STK3: variants seen among roughly 807,000 people sequenced by gnomAD.
STK3 encodes serine/threonine-protein kinase 3.
Under a neutral mutation model 58.0 loss-of-function variants are expected in STK3, and 41 were observed. That is an observed-to-expected ratio of 0.71 (90% CI 0.55 to 0.92). The LOEUF (loss-of-function observed/expected upper bound fraction) is 0.92. STK3 is among the 40% of genes least tolerant of loss of function. The pLI is 0.00. For missense variants in STK3, 479 were observed against 602.7 expected (o/e 0.79, Z 2.15); for synonymous variants, 170 against 191.0 (o/e 0.89, Z 0.91).
chr8:98,364,314 T>A, the STK3 span, among the ~76,000 whole-genome samples: 2 of 152,212 alleles, frequency 1.3e-5, no homozygotes, highest in Non-Finnish European at 2.9e-5. Context: ...CAGCCGTGGC[T>A]ACCTATGAAT....
At chr8:98,537,383 T>G (rs1809853400) in intron 9 of STK3, among the ~76,000 whole-genome samples, 1 of 152,200 alleles carries the variant, frequency 6.6e-6, no homozygotes, top group South Asian at 2.1e-4. Context: ...TGCCCAGTAA[T>G]GTTTAACTAC....
intron 1 of STK3, among the ~76,000 whole-genome samples, chr8:98,820,287 A>C (rs1587701749): frequency 6.6e-6 from 1 of 152,188 alleles, no homozygotes; most frequent in East Asian, 1.9e-4. Context: ...CTATAGCTTA[A>C]ATTAAAGAAC....
At chr8:98,595,287 G>A (rs1815714452) in intron 7 of STK3, 1 of 149,424 alleles carries the variant, frequency 6.7e-6, no homozygotes, top group Non-Finnish European at 1.5e-5. Flanking sequence ...ACTTTGGAAA[G>A]TTACTTTTTT....
chr8:98,422,721 T>A (rs766684551), intron 3 of STK3, among the ~76,000 whole-genome samples: 39 of 152,098 alleles, frequency 2.6e-4, no homozygotes, highest in Non-Finnish European at 4.3e-4. Context: ...AGTGGGTGGG[T>A]GTCTGCCAAA....
chr8:98,942,123 GCCTGCGC>G (rs1342458551), intron 1 of STK3, among the ~76,000 whole-genome samples: 1 of 152,250 alleles, frequency 6.6e-6, no homozygotes, highest in Non-Finnish European at 1.5e-5. Flanking sequence ...GCCCCGCAAT[GCCTGCGC>G]CCTAGACGCC....
intron 3 of STK3, chr8:98,413,643 C>T (rs1818081062): frequency 2.6e-6 from 2 of 770,692 alleles, no homozygotes; most frequent in Admixed American, 1.8e-5. Context: ...TTTCTCCTCA[C>T]AAACCGTAGA....
At chr8:98,641,968 T>A (rs1820056684) in intron 6 of STK3, among the ~76,000 whole-genome samples, 1 of 152,216 alleles carries the variant, frequency 6.6e-6, no homozygotes, top group African/African-American at 2.4e-5. Flanking sequence ...CCCCTTAGCA[T>A]CTTCAAGAGT....
intron 10 of STK3, among the ~76,000 whole-genome samples, chr8:98,476,898 T>C (rs1821354710): frequency 6.6e-6 from 1 of 152,138 alleles, no homozygotes; most frequent in East Asian, 1.9e-4. Flanking sequence ...CCAAAATACA[T>C]TACTCTGGCA....
intron 10 of STK3, among the ~76,000 whole-genome samples, chr8:98,504,195 G>C (rs1195177539): frequency 6.6e-6 from 1 of 152,102 alleles, no homozygotes; most frequent in African/African-American, 2.4e-5. Flanking sequence ...TGTTTTATCA[G>C]AGACTAGGAT....
chr8:98,934,949 A>G (rs1840141706), intron 1 of STK3, among the ~76,000 whole-genome samples: 1 of 152,206 alleles, frequency 6.6e-6, no homozygotes. Flanking sequence ...AAATAAAATA[A>G]CATGACATAT....
In STK3 at chr8:98,407,467, G is replaced by A. The variant is rs1208636292; in HGVS notation, n.484-5954C>T. Among the ~76,000 whole-genome samples the A allele has an allele frequency of 3.9e-5, 6 of 152,360 alleles. No individual in the cohort carries two copies. In the East Asian group the frequency reaches 1.2e-3, roughly 29 times the overall value. Reference sequence around the variant, plus strand: ...GACTGGAGGAGGCCAAACGCCATGCGTAAGTCAGCAGGCAGGTGTGAGAAC... The same window carrying A: ...GACTGGAGGAGGCCAAACGCCATGCATAAGTCAGCAGGCAGGTGTGAGAAC... On this transcript the variant is annotated intron_variant and non_coding_transcript_variant, in intron 3 of 3. Transcript: ENST00000517832.
At chr8:98,858,761 G>T (rs1301118007) in intron 3 of STK3, among the ~76,000 whole-genome samples, 1 of 151,850 alleles carries the variant, frequency 6.6e-6, no homozygotes, top group Non-Finnish European at 1.5e-5. Context: ...GCGTGGTGGT[G>T]CATGCCTGTA....
chr8:98,722,282 T>C (rs1486362163), intron 4 of STK3, among the ~76,000 whole-genome samples: 1 of 152,336 alleles, frequency 6.6e-6, no homozygotes, highest in East Asian at 1.9e-4. Flanking sequence ...TTCAGCCTTG[T>C]ACCAAAACGG....
intron 6 of STK3, among the ~76,000 whole-genome samples, chr8:98,655,185 C>T (rs1056829071): frequency 3.3e-5 from 5 of 151,744 alleles, no homozygotes; most frequent in Admixed American, 6.6e-5. Context: ...ACGCCGCATA[C>T]CTACAACTAT....
chr8:98,877,787 C>A (rs1837611686), intron 3 of STK3, among the ~76,000 whole-genome samples: 1 of 151,904 alleles, frequency 6.6e-6, no homozygotes, highest in South Asian at 2.1e-4. Context: ...CCAGCCCAGT[C>A]ATTCCATGTT....
chr8:98,905,680 C>A (rs946710321), intron 1 of STK3: 22 of 727,486 alleles, frequency 3.0e-5, no homozygotes, highest in African/African-American at 8.7e-5. Context: ...TCCGGACAAG[C>A]ACCTCTGGGT....
intron 3 of STK3, chr8:98,429,606 G>T (rs941796194): frequency 2.0e-5 from 11 of 553,720 alleles, no homozygotes; most frequent in African/African-American, 1.9e-4. Flanking sequence ...CTGACACCAT[G>T]CCTTTGCACC....
At chr8:98,415,706 C>A (rs1818107516) in intron 3 of STK3, among the ~76,000 whole-genome samples, 1 of 152,226 alleles carries the variant, frequency 6.6e-6, no homozygotes, top group Non-Finnish European at 1.5e-5. Flanking sequence ...ATAGGTTAAA[C>A]ATGTTCTCCA....
chr8:98,478,794 C>T (rs1465732184), intron 10 of STK3, among the ~76,000 whole-genome samples: 5 of 152,116 alleles, frequency 3.3e-5, no homozygotes, highest in South Asian at 2.1e-4. Flanking sequence ...GCTCCCTACC[C>T]TCTGTCTCTC....
Sources: gnomAD v4.1 joint callset for allele counts (sites outside exome capture counted in the v4.1 genomes callset) on GRCh38, gnomAD v4.1.1 for gene constraint, MANE v1.5 for transcripts, NCBI Gene and HGNC (gene_info 2026-07-23, HGNC 2026-07-21) for gene names.